Variants in EXD3 observed in about 807,000 individuals in gnomAD.
EXD3 encodes the protein exonuclease mut-7 homolog.
EXD3 carries 92 observed loss-of-function variants against 98.0 expected under a neutral mutation model. That is an observed-to-expected ratio of 0.94 (90% confidence interval 0.79 to 1.12). EXD3 has a LOEUF of 1.12. Among genes scored for constraint, EXD3 ranks in the 50% most tolerant of loss-of-function variants. The pLI is 0.00. For missense variants in EXD3, 1,222 were observed against 1,191.6 expected, an observed-to-expected ratio of 1.03 and a Z score of -0.38; for synonymous variants, 569 against 526.0, an observed-to-expected ratio of 1.08 and a Z score of -1.12.
intron 2 of EXD3, among the ~76,000 whole-genome samples, chr9:137,387,489 T>C (rs1378479222): frequency 1.6e-4 from 25 of 152,134 alleles, no homozygotes; most frequent in Non-Finnish European, 1.6e-4. Context: ...ATTGCTGGCT[T>C]CCTGTTCATA....
intron 3 of EXD3, among the ~76,000 whole-genome samples, chr9:137,375,565 C>G (rs556233183): frequency 2.0e-5 from 3 of 151,850 alleles, no homozygotes; most frequent in Non-Finnish European, 4.4e-5. Flanking sequence ...AGTCCTAGCG[C>G]TGGCAAGTTC....
rs1832308677 is a variant in EXD3 at position 137,324,890 on chromosome 9, C to T, written c.1999-747G>A. Among the ~76,000 whole-genome samples the T allele has an allele frequency of 6.6e-6, 1 of 152,006 alleles. No homozygotes were observed. Among genetic ancestry groups the T allele is most frequent in the African/African-American group, 2.4e-5 (1 of 41,364 alleles). On this transcript the variant is annotated intron_variant, in intron 17 of 21. Transcript: ENST00000340951. The surrounding 1 kb of genome is among the most constrained non-coding windows in gnomAD (Gnocchi z 4.1). ...TGTATTTTTAGTAGAGACGGGGTTT[C>T]ACCGTGTTAGCCAGGATGGTCTCGA...
chr9:137,339,622 T>C (rs945916261), intron 17 of EXD3, among the ~76,000 whole-genome samples: 2 of 151,964 alleles, frequency 1.3e-5, no homozygotes, highest in African/African-American at 4.8e-5. Flanking sequence ...GAGCTAATAA[T>C]GTCATTCATC....
At chr9:137,352,312 C>T in intron 11 of EXD3, 111 bp from the exon 12 acceptor site, 1 of 1,438,114 alleles carries the variant, frequency 7.0e-7, no homozygotes, top group Non-Finnish European at 9.5e-7. Context: ...ATCTCAGGTC[C>T]TGGCTCCTCC....
At chr9:137,325,414 T>C (rs1832341611) in intron 17 of EXD3, among the ~76,000 whole-genome samples, 1 of 151,836 alleles carries the variant, frequency 6.6e-6, no homozygotes, top group African/African-American at 2.4e-5. Context: ...GCATTCAGAA[T>C]GGTTCCTTAA....
rs1262450213 is a variant in EXD3 at position 137,407,799 on chromosome 9, A to G, written c.-47-12395T>C. ...GGTCCACAGGCATTCGAGGTCTTGG[A>G]TGCGCCGGCTGGACCCAAGGACACA... On this transcript the variant is annotated intron_variant, in intron 1 of 21. Coordinates refer to ENST00000340951, the MANE Select transcript of EXD3 (RefSeq NM_017820.5). The surrounding 1 kb of genome is among the most constrained non-coding windows in gnomAD (Gnocchi z 4.4). Among the ~76,000 whole-genome samples, 1 of 147,418 alleles carries G rather than the reference A, an allele frequency of 6.8e-6. No individual in the cohort carries two copies. The highest frequency in any genetic ancestry group is 1.5e-5 in the Non-Finnish European group (1 of 66,608).
chr9:137,354,744 G>T lies in EXD3; in HGVS notation c.787C>A (p.Arg263Ser). 6.2e-7 allele frequency: 1 copy of T among 1,610,722 alleles called. No individual in the cohort carries two copies. Among genetic ancestry groups the T allele is most frequent in the Non-Finnish European group, 8.5e-7 (1 of 1,179,636 alleles). ...CACAGGTGCCGCAGGGCCGCCAGGC[G>T]CTGCTGAATGGCCGCGTTGGGACAC... ...ALCPNAAIQQ[R>S]LAALRHLCHK... Residue 263 changes from arginine to serine, a missense_variant, in exon 9 of 22, where the codon CGC becomes AGC. By Grantham distance (110) the Arg-to-Ser change is moderately radical (BLOSUM62 -1). Transcript: ENST00000340951.
rs1182125989 is a variant in EXD3, at chr9:137,366,287, G to C, written c.656+206C>G. The C allele has an allele frequency of 6.8e-6, 5 of 737,086 alleles. No homozygotes were observed. The South Asian group carries it at 7.3e-5, about 11-fold the overall frequency. 45.7% of individuals were successfully genotyped at this position (737,086 alleles called of 1,614,324 possible). On this transcript the variant is annotated intron_variant, in intron 7 of 21. Transcript: ENST00000340951. ...AGCAGTTAACTCTTTTCACTCGGGA[G>C]AAGAGGGCTGTGCTCCTGCCAGCCC...
intron 10 of EXD3, chr9:137,353,744 C>T: frequency 2.0e-6 from 2 of 985,696 alleles, no homozygotes; most frequent in Non-Finnish European, 2.4e-6. Flanking sequence ...TCCAGGATGG[C>T]CTTGAGTGTC....
intron 1 of EXD3, among the ~76,000 whole-genome samples, chr9:137,409,786 G>A (rs958257158): frequency 2.6e-5 from 4 of 152,210 alleles, no homozygotes; most frequent in African/African-American, 4.8e-5. Context: ...TTCTCGGAAC[G>A]TGGTGCCAGG....
chr9:137,309,744 G>A (rs1022203619), intron 19 of EXD3, 44 bp from the exon 20 acceptor site: 14 of 1,462,372 alleles, frequency 9.6e-6, no homozygotes, highest in African/African-American at 1.4e-5. Flanking sequence ...GGGCTTCTCC[G>A]GGTGCCCCAT....
chr9:137,411,889 C>A (rs889813919), intron 1 of EXD3, among the ~76,000 whole-genome samples: 3 of 152,228 alleles, frequency 2.0e-5, no homozygotes, highest in Non-Finnish European at 4.4e-5. Context: ...GTCACGCTTC[C>A]TCTGCGGTTT....
rs921934396 is a variant in EXD3 at position 137,353,088 on chromosome 9, C to A, written c.871-302G>T. ...CCCACCTCAGTTCAGCCCCAGCTGGCCCCTCCTGGCCTCCAAGCCTCCGCT... is the reference window on the plus strand; with the variant it reads ...CCCACCTCAGTTCAGCCCCAGCTGGACCCTCCTGGCCTCCAAGCCTCCGCT... On this transcript the variant is annotated intron_variant, in intron 10 of 21. Transcript: ENST00000340951. The A allele has an allele frequency of 8.9e-6, 11 of 1,232,194 alleles. No individual in the cohort carries two copies. In the African/African-American group the frequency reaches 1.6e-4, roughly 18 times the overall value. The allele number at this position is 1,232,194 out of a possible 1,614,324, so 76.3% of individuals were successfully genotyped here.
At chr9:137,353,520 GA>G in intron 10 of EXD3, 1 of 986,856 alleles carries the variant, frequency 1.0e-6, no homozygotes, top group Non-Finnish European at 1.2e-6. Flanking sequence ...GGAGCAGACA[GA>G]GGGGTGCCCT....
At chr9:137,392,744 G>A in intron 2 of EXD3, 1 of 360,434 alleles carries the variant, frequency 2.8e-6, no homozygotes, top group South Asian at 2.1e-5. Context: ...GCTGTTCCAG[G>A]GGGCACCGAG....
At chr9:137,386,551 C>T (rs1836599482) in intron 2 of EXD3, among the ~76,000 whole-genome samples, 3 of 152,068 alleles carry the variant, frequency 2.0e-5, no homozygotes, top group African/African-American at 7.2e-5. Context: ...CAACACCCAG[C>T]CGCGCAACAC....
intron 3 of EXD3, among the ~76,000 whole-genome samples, chr9:137,377,435 ACT>A (rs1245430734): frequency 2.2e-5 from 3 of 137,668 alleles, no homozygotes; most frequent in Admixed American, 7.4e-5. Context: ...ACAGAACAAG[ACT>A]CTGTCTCTAA....
chr9:137,331,283 C>A (rs1007386474), intron 17 of EXD3, among the ~76,000 whole-genome samples: 1 of 152,060 alleles, frequency 6.6e-6, no homozygotes, highest in Non-Finnish European at 1.5e-5. Context: ...ATATGACAAA[C>A]CCGCAGCCAA....
chr9:137,373,633 C>T, intron 3 of EXD3, 34 bp from the exon 4 acceptor site: 1 of 1,562,092 alleles, frequency 6.4e-7, no homozygotes, highest in Admixed American at 2.0e-5. Flanking sequence ...GGCACTTTGT[C>T]TTGCACTCAA....
Sources: allele counts gnomAD v4.1 joint callset (sites outside exome capture counted in the v4.1 genomes callset), GRCh38; gene constraint gnomAD v4.1.1; non-coding constraint Gnocchi (gnomAD v3.1); transcripts MANE v1.5; gene names NCBI Gene and HGNC (gene_info 2026-07-23, HGNC 2026-07-21).